The following ANGEL1 variants were observed in gnomAD, a reference collection of about 807,000 sequenced individuals.
ANGEL1 encodes RNA 2',3'-cyclic phosphatase ANGEL1.
Under a neutral mutation model 76.4 loss-of-function variants are expected in ANGEL1, and 62 were observed. That is an observed-to-expected ratio of 0.81 (90% confidence interval 0.66 to 1.00). The LOEUF is 1.00. Ranked by LOEUF, ANGEL1 falls within the 50% of genes least tolerant of loss-of-function variation. The pLI, the probability that ANGEL1 is intolerant of heterozygous loss-of-function variation, is 0.00. For missense variants in ANGEL1, 737 were observed against 836.7 expected (o/e 0.88, Z 1.47); for synonymous variants, 340 against 331.7 (o/e 1.03, Z -0.27).
At chr14:76,793,614 C>T (rs1340460329) in intron 7 of ANGEL1, among the ~76,000 whole-genome samples, 12 of 135,214 alleles carry the variant, frequency 8.9e-5, no homozygotes, top group Admixed American at 3.8e-4. Flanking sequence ...AAATTTCATA[C>T]GGGAATGCAA....
intron 1 of ANGEL1, chr14:76,810,170 C>T: frequency 2.2e-6 from 1 of 454,522 alleles, no homozygotes; most frequent in Non-Finnish European, 4.4e-6. Context: ...GCTCCCAGCA[C>T]TTTGGGAGGC....
chr14:76,805,012 A>AAAATAAAT lies in ANGEL1; in HGVS notation c.1381-1108_1381-1101dup, dbSNP rs59478597. Among the ~76,000 whole-genome samples, 1,256 of 147,016 alleles carry AAAATAAAT rather than the reference A, an allele frequency of 8.5e-3. 21 individuals carry two copies. Among genetic ancestry groups the AAAATAAAT allele is most frequent in the East Asian group, 0.057 (283 of 5,004 alleles). ...GCAACAGAGCGAGACTCTGTCTCAA[A>AAAATAAAT]AAATAAATAAATAAATAAATAAATA... On this transcript the variant is annotated intron_variant, in intron 5 of 9. Transcript: ENST00000251089.
At chr14:76,797,110 C>G (rs1894602830) in intron 7 of ANGEL1, among the ~76,000 whole-genome samples, 1 of 152,220 alleles carries the variant, frequency 6.6e-6, no homozygotes, top group Non-Finnish European at 1.5e-5. Context: ...GAGCTACAGC[C>G]TCTTCCTGGG....
chr14:76,792,536 C>T (rs1566695492), intron 7 of ANGEL1, among the ~76,000 whole-genome samples: 1 of 151,992 alleles, frequency 6.6e-6, no homozygotes, highest in Non-Finnish European at 1.5e-5. Context: ...AAATTATATA[C>T]TATGACCAAA....
At chr14:76,804,294 T>C in intron 5 of ANGEL1, 1 of 1,228,406 alleles carries the variant, frequency 8.1e-7, no homozygotes, top group Non-Finnish European at 1.0e-6. Context: ...TTGGATCTTC[T>C]GGATCAAGGT....
chr14:76,797,992 A>G (rs768544622), intron 7 of ANGEL1, among the ~76,000 whole-genome samples: 11 of 152,200 alleles, frequency 7.2e-5, no homozygotes, highest in Non-Finnish European at 1.3e-4. Flanking sequence ...ACAAGTGTGG[A>G]GTCCTCATGG....
rs375875718 is a variant in ANGEL1, at chr14:76,806,788, G to A, written c.1008C>T (p.Tyr336=). 1.2e-6 allele frequency: 2 copies of A among 1,614,086 alleles called. No individual in the cohort carries two copies. The highest frequency in any genetic ancestry group is 2.7e-5 in the African/African-American group (2 of 74,940). Residue 336 remains tyrosine (Y), a synonymous_variant, in exon 5 of 10, where the codon TAC becomes TAT. Coordinates refer to ENST00000251089, the MANE Select transcript of ANGEL1 (RefSeq NM_015305.4). The part of the protein sequence containing the change: ...GCKTDGCAVC[Y]KPTRFRLLCA... ...AGAGCAGGCGGAATCTGGTAGGCTT[G>A]TAGCAGACAGCACAGCCATCGGTTT... is the stretch of plus-strand genomic sequence containing the variant.
chr14:76,798,075 A>C (rs75952113), intron 7 of ANGEL1, among the ~76,000 whole-genome samples: 7,969 of 150,916 alleles, frequency 0.053, 318 homozygotes, highest in Middle Eastern at 0.19. Flanking sequence ...TGAGAAGATG[A>C]TGCTCATGAA....
In ANGEL1 at chr14:76,787,246, G is replaced by A. The variant is rs1298776877; in HGVS notation, c.*1982C>T. On this transcript the variant is annotated 3_prime_UTR_variant, in exon 10 of 10. Transcript: ENST00000251089. ...GATCCTAATAAAATGAACAACATTG[G>A]GGGGAAAAAAGGTAAACCTTTATTT... The A allele has an allele frequency of 2.0e-5, 3 of 152,034 alleles. No individual in the cohort carries two copies. The highest frequency in any genetic ancestry group is 2.9e-5 in the Non-Finnish European group (2 of 67,986). The allele number at this position is 152,034 out of a possible 1,614,324, so 9.4% of individuals were successfully genotyped here. A position where few individuals can be genotyped will look rare whatever the true frequency, so the allele number is the denominator to read the frequency against.
intron 9 of ANGEL1, among the ~76,000 whole-genome samples, chr14:76,789,982 A>G (rs974937607): frequency 1.3e-4 from 20 of 151,392 alleles, no homozygotes; most frequent in Admixed American, 9.2e-4. Context: ...CTCCTGCCTC[A>G]GCCTCCCAAG....
intron 4 of ANGEL1, 89 bp from the exon 5 acceptor site, chr14:76,806,938 CCT>C (rs1894937218): frequency 1.0e-5 from 14 of 1,371,656 alleles, no homozygotes; most frequent in Non-Finnish European, 1.4e-5. Flanking sequence ...AGTGTATGCC[CCT>C]GAGGCATTGT....
At chr14:76,806,285 A>C (rs568971418) in intron 5 of ANGEL1, 131 bp downstream of exon 5, 12 of 957,430 alleles carry the variant, frequency 1.3e-5, no homozygotes, top group Middle Eastern at 3.4e-4. Context: ...GCTATTCAAC[A>C]TAACAAGAAA....
At position 76,812,832 on chromosome 14, in the gene ANGEL1, G is replaced by A. The variant is rs989701761; in HGVS notation, c.-5C>T. The A allele has an allele frequency of 5.0e-5, 76 of 1,508,058 alleles. No individual in the cohort carries two copies. Among genetic ancestry groups the A allele is most frequent in the Middle Eastern group, 1.7e-4 (1 of 5,822 alleles). 93.4% of individuals were successfully genotyped at this position (1,508,058 alleles called of 1,614,324 possible). A position where few individuals can be genotyped will look rare whatever the true frequency, so the allele number is the denominator to read the frequency against. Reference sequence around the variant, plus strand: ...ACACAAGCACGACGCGATCATGGCCGGCCGCCCGCGCCCGCCTCCGCTCCT... The same window carrying A: ...ACACAAGCACGACGCGATCATGGCCAGCCGCCCGCGCCCGCCTCCGCTCCT... On this transcript the variant is annotated 5_prime_UTR_variant, in exon 1 of 10. Coordinates refer to ENST00000251089, the MANE Select transcript of ANGEL1 (RefSeq NM_015305.4).
Position 76,807,395 on chromosome 14 carries a change from A to G in ANGEL1, c.946+38T>C, listed in dbSNP as rs748109067. On this transcript the variant is annotated intron_variant, in intron 4 of 9. Coordinates refer to ENST00000251089, the MANE Select transcript of ANGEL1 (RefSeq NM_015305.4). The stretch of plus-strand genomic sequence containing the variant: ...CAGGAGAGAGTAGACAAGTCTGTGG[A>G]AAGAAAAGCTGGCAAGCATCCCAGG... 4 of 1,587,582 alleles carry G rather than the reference A, an allele frequency of 2.5e-6. No homozygotes were observed. The South Asian group carries it at 3.4e-5, about 14-fold the overall frequency.
chr14:76,804,534 C>A, intron 5 of ANGEL1: 1 of 810,658 alleles, frequency 1.2e-6, no homozygotes, highest in Non-Finnish European at 1.5e-6. Flanking sequence ...ATTTGAAAGC[C>A]AAAAGACACT....
In ANGEL1 at chr14:76,803,405, C is replaced by T; in HGVS notation, c.1584G>A (p.Leu528=). 1 of 1,614,196 alleles carries T rather than the reference C, an allele frequency of 6.2e-7. No homozygotes were observed. Among genetic ancestry groups the T allele is most frequent in the Non-Finnish European group, 8.5e-7 (1 of 1,180,028 alleles). Residue 528 remains leucine (L), a synonymous_variant, in exon 7 of 10, where the codon CTG becomes CTA. Coordinates refer to ENST00000251089, the MANE Select transcript of ANGEL1 (RefSeq NM_015305.4). ...TATCTGTCACTCCTTCCATAAGGACCAGTCCTACTGGTCGCTGACAAGCGA... is the reference window on the plus strand; with the variant it reads ...TATCTGTCACTCCTTCCATAAGGACTAGTCCTACTGGTCGCTGACAAGCGA... The part of the protein sequence containing the change: ...CSIACQRPVG[L]VLMEGVTDTK...
chr14:76,807,477 TC>T lies in ANGEL1; in HGVS notation c.901del (p.Glu301LysfsTer14). On this transcript the variant is annotated frameshift_variant, in exon 4 of 10. Coordinates refer to ENST00000251089, the MANE Select transcript of ANGEL1 (RefSeq NM_015305.4). LOFTEE classifies it high-confidence loss of function. ...TTCCAGCTGCTCCCAGTAATGATCT[TC>T]CTGGACTTCCTGGAGACACAGGATC... is the stretch of plus-strand genomic sequence containing the variant. The part of the protein sequence containing the change: ...PDILCLQEVQ[E>X]DHYWEQLEPS... The T allele has an allele frequency of 6.2e-7, 1 of 1,613,532 alleles. No individual in the cohort carries two copies.
chr14:76,793,555 T>G (rs1403203342), intron 7 of ANGEL1, among the ~76,000 whole-genome samples: 2 of 5,982 alleles, frequency 3.3e-4, no homozygotes, highest in African/African-American at 4.8e-4. Flanking sequence ...TTGGTTTTTT[T>G]GGTTTTTTTT....
rs1267156888 is a variant in ANGEL1, at chr14:76,809,525, C to A, written c.183G>T (p.Leu61=). ...TCAACCCTTCTTCTCGCCACTGCTG[C>A]AGCAGGCCCTCACATTCCTCCTGCT... ...GPEQEECEGL[L]QQWREEGLSQ... The change falls in exon 2 of 10, where the codon CTG becomes CTT. Residue 61 remains leucine (L), a synonymous_variant. Transcript: ENST00000251089. 1 of 1,614,258 alleles carries A rather than the reference C, an allele frequency of 6.2e-7. No individual in the cohort carries two copies. Among genetic ancestry groups the A allele is most frequent in the Non-Finnish European group, 8.5e-7 (1 of 1,180,038 alleles).
Sources: gnomAD v4.1 joint callset for allele counts (sites outside exome capture counted in the v4.1 genomes callset) on GRCh38, gnomAD v4.1.1 for gene constraint, MANE v1.5 for transcripts, NCBI Gene and HGNC (gene_info 2026-07-23, HGNC 2026-07-21) for gene names.